Variants in EIF4E3 observed in about 807,000 individuals in gnomAD.
EIF4E3 encodes the protein eukaryotic translation initiation factor 4E type 3.
A neutral mutation model predicts 31.7 loss-of-function variants in EIF4E3; 26 were observed. That is an observed-to-expected ratio of 0.82 (90% CI 0.60 to 1.14). The LOEUF (loss-of-function observed/expected upper bound fraction) is 1.14, where lower values mean the gene tolerates loss of function less well. Ranked by LOEUF, EIF4E3 falls within the 50% of genes most tolerant of loss-of-function variation. The pLI, the probability that EIF4E3 is intolerant of heterozygous loss-of-function variation, is 0.00. For synonymous variants in EIF4E3, 128 were observed against 107.7 expected, an observed-to-expected ratio of 1.19 and a Z score of -1.17; for missense variants, 304 against 270.9, an observed-to-expected ratio of 1.12 and a Z score of -0.86.
intron 3 of EIF4E3, among the ~76,000 whole-genome samples, chr3:71,699,226 C>T (rs2049180678): frequency 1.3e-5 from 2 of 150,632 alleles, no homozygotes; most frequent in Admixed American, 1.3e-4. Flanking sequence ...GACCTGGTCT[C>T]AAAAAAAAGA....
At chr3:71,673,016 T>A (rs1439712565), downstream of EIF4E3, among the ~76,000 whole-genome samples, 1 of 152,180 alleles carries the variant, frequency 6.6e-6, no homozygotes, top group Non-Finnish European at 1.5e-5. Context: ...GAACCCGGTG[T>A]CAGCACGTGC....
chr3:71,733,960 T>C (rs915484494), intron 1 of EIF4E3, among the ~76,000 whole-genome samples: 6 of 152,238 alleles, frequency 3.9e-5, no homozygotes, highest in South Asian at 4.1e-4. Flanking sequence ...AGAAGGACAC[T>C]TGCAGTGTTT....
intron 4 of EIF4E3, 25 bp from the exon 5 acceptor site, chr3:71,693,966 C>T: frequency 1.3e-6 from 2 of 1,529,354 alleles, no homozygotes; most frequent in Non-Finnish European, 1.8e-6. Flanking sequence ...GAATAAAAAA[C>T]AAAACAAACA....
chr3:71,738,377 C>CA (rs1317336368), intron 1 of EIF4E3, among the ~76,000 whole-genome samples: 2 of 151,314 alleles, frequency 1.3e-5, no homozygotes, highest in South Asian at 2.1e-4. Flanking sequence ...TACACAACAG[C>CA]AAAAAAACGT....
chr3:71,699,806 C>A, intron 2 of EIF4E3, 98 bp from the exon 3 acceptor site: 1 of 966,660 alleles, frequency 1.0e-6, no homozygotes, highest in Non-Finnish European at 1.6e-6. Flanking sequence ...AATTTTGATT[C>A]TCATTGTTTT....
downstream of EIF4E3, among the ~76,000 whole-genome samples, chr3:71,674,683 G>T (rs2048863516): frequency 6.6e-6 from 1 of 152,142 alleles, no homozygotes; most frequent in African/African-American, 2.4e-5. Flanking sequence ...CAATACCTGA[G>T]GAGGAAAGTG....
At chr3:71,662,829 T>C in the EIF4E3 span, among the ~76,000 whole-genome samples, 2 of 151,906 alleles carry the variant, frequency 1.3e-5, no homozygotes, top group Non-Finnish European at 2.9e-5. Flanking sequence ...AGCAAACACA[T>C]GGGAAATACT....
the EIF4E3 span, among the ~76,000 whole-genome samples, chr3:71,667,507 T>C: frequency 2.1e-3 from 314 of 152,286 alleles, 3 homozygotes; most frequent in African/African-American, 7.3e-3. Flanking sequence ...AAACCCCCCA[T>C]TGTCTCAGCC....
chr3:71,723,086 CA>C (rs2108116244), intron 1 of EIF4E3, among the ~76,000 whole-genome samples: 1 of 152,260 alleles, frequency 6.6e-6, no homozygotes, highest in Non-Finnish European at 1.5e-5. Flanking sequence ...CTATGGAACT[CA>C]AAAACCGATG....
chr3:71,671,583 TGA>T (rs1198789835), downstream of EIF4E3, among the ~76,000 whole-genome samples: 1 of 152,110 alleles, frequency 6.6e-6, no homozygotes, highest in Admixed American at 6.5e-5. Flanking sequence ...GTGTCAGAAA[TGA>T]GAGATGGGCC....
the EIF4E3 span, among the ~76,000 whole-genome samples, chr3:71,669,086 G>A: frequency 2.0e-5 from 3 of 152,128 alleles, no homozygotes; most frequent in African/African-American, 7.2e-5. Context: ...ATGAGTTCAT[G>A]TCCTTTGCAG....
chr3:71,678,130 T>C lies in EIF4E3; in HGVS notation c.*6552A>G, dbSNP rs1022976485. The C allele has an allele frequency of 6.6e-6, 1 of 152,202 alleles. No homozygotes were observed. Among genetic ancestry groups the C allele is most frequent in the African/African-American group, 2.4e-5 (1 of 41,450 alleles). 9.4% of individuals were successfully genotyped at this position (152,202 alleles called of 1,614,324 possible). A position where few individuals can be genotyped will look rare whatever the true frequency, so the allele number is the denominator to read the frequency against. The stretch of plus-strand genomic sequence containing the variant: ...CAGAAACTTTTAATATGTGTTGTAA[T>C]AAACAAGGTTATTCTAATCACCACA... On this transcript the variant is annotated 3_prime_UTR_variant, in exon 7 of 7. Coordinates refer to ENST00000425534, the MANE Select transcript of EIF4E3 (RefSeq NM_001134651.2).
Position 71,724,993 on chromosome 3 carries a change from G to A in EIF4E3, c.176+199C>T, listed in dbSNP as rs375045227. ...CCCCCGGCCCGGAGGCGAGGACGCC[G>A]AACAGCCGCCCGGCGCGGCCCGAAG... On this transcript the variant is annotated intron_variant, in intron 1 of 6. Transcript: ENST00000425534. 8.0e-4 allele frequency among the ~76,000 whole-genome samples: 121 copies of A among 152,184 alleles called. 2 individuals carry two copies. The South Asian group carries it at 0.017, about 21-fold the overall frequency.
At chr3:71,668,845 C>T in the EIF4E3 span, among the ~76,000 whole-genome samples, 8 of 152,150 alleles carry the variant, frequency 5.3e-5, no homozygotes, top group African/African-American at 1.9e-4. Context: ...GGCAATTCCT[C>T]AAGGATCTAG....
intron 4 of EIF4E3, among the ~76,000 whole-genome samples, chr3:71,696,066 T>C (rs2049131606): frequency 6.6e-6 from 1 of 152,090 alleles, no homozygotes; most frequent in South Asian, 2.1e-4. Flanking sequence ...GAACTGCTTT[T>C]GTTCCCCCTG....
At chr3:71,706,591 A>T (rs538406479) in intron 2 of EIF4E3, among the ~76,000 whole-genome samples, 1 of 152,192 alleles carries the variant, frequency 6.6e-6, no homozygotes, top group South Asian at 2.1e-4. Context: ...TCAAGGAGGG[A>T]ACACAGCTTG....
rs1434289042 is a variant in EIF4E3 at position 71,681,412 on chromosome 3, C to T, written c.*3270G>A. ...AGAGTTGGGCAACTAATAGCAAAAG[C>T]CCACTTCCTGTCATAGGAAGGTTAT... On this transcript the variant is annotated 3_prime_UTR_variant, in exon 7 of 7. Coordinates refer to ENST00000425534, the MANE Select transcript of EIF4E3 (RefSeq NM_001134651.2). The T allele has an allele frequency of 6.6e-6, 1 of 152,224 alleles. No individual in the cohort carries two copies. Among genetic ancestry groups the T allele is most frequent in the African/African-American group, 2.4e-5 (1 of 41,444 alleles). The allele number at this position is 152,224 out of a possible 1,614,324, so 9.4% of individuals were successfully genotyped here. A position where few individuals can be genotyped will look rare whatever the true frequency, so the allele number is the denominator to read the frequency against.
At chr3:71,714,242 AAAGGAAGGAAGGAAGGAAGG>A (rs751022382) in intron 1 of EIF4E3, among the ~76,000 whole-genome samples, 1 of 131,938 alleles carries the variant, frequency 7.6e-6, no homozygotes. Flanking sequence ...GGGAAGAAGG[AAAGGAAGGAAGGAAGGAAGG>A]AAGGAAGGAA....
chr3:71,750,175 C>A (rs1348743926), intron 1 of EIF4E3, among the ~76,000 whole-genome samples: 1 of 152,156 alleles, frequency 6.6e-6, no homozygotes, highest in Non-Finnish European at 1.5e-5. Flanking sequence ...AATCTCTCCC[C>A]ATTTGGGAGA....
Sources: allele counts gnomAD v4.1 joint callset (sites outside exome capture counted in the v4.1 genomes callset), GRCh38; gene constraint gnomAD v4.1.1; transcripts MANE v1.5; gene names NCBI Gene and HGNC (gene_info 2026-07-23, HGNC 2026-07-21).